SPOCK3: variants seen among roughly 807,000 people sequenced by gnomAD.
The protein encoded by SPOCK3 is testican-3.
Under a neutral mutation model 56.6 loss-of-function variants are expected in SPOCK3, and 30 were observed. The ratio of observed to expected loss-of-function variants is 0.53; its 90% CI spans 0.40 to 0.72. The LOEUF is 0.72. Ranked by LOEUF, SPOCK3 falls within the 30% of genes least tolerant of loss-of-function variation. The pLI is 0.00. For synonymous variants in SPOCK3, 196 were observed against 183.3 expected, an observed-to-expected ratio of 1.07 and a Z score of -0.56; for missense variants, 527 against 530.0, an observed-to-expected ratio of 0.99 and a Z score of 0.06.
chr4:167,058,592 T>G (rs1224748035), intron 3 of SPOCK3, among the ~76,000 whole-genome samples: 8 of 152,102 alleles, frequency 5.3e-5, no homozygotes, highest in Non-Finnish European at 1.0e-4. Flanking sequence ...AATTTATAGA[T>G]TCAATGCCAT....
chr4:166,768,927 T>G (rs1435971501), intron 7 of SPOCK3, among the ~76,000 whole-genome samples: 1 of 152,204 alleles, frequency 6.6e-6, no homozygotes, highest in East Asian at 1.9e-4. Context: ...CTCACTTCAT[T>G]TCATTCATTT....
rs80163824 is a variant in SPOCK3, at chr4:166,915,119, C to T, written c.351-2376G>A. Among the ~76,000 whole-genome samples, 770 of 152,134 alleles carry T rather than the reference C, an allele frequency of 5.1e-3. 8 individuals are homozygous for T. Among genetic ancestry groups the T allele is most frequent in the African/African-American group, 0.018 (736 of 41,500 alleles). Reference sequence around the variant, plus strand: ...AGTACTTCTACAAATTTATAGAAGTCCAACTCTATGTGATATCACCTGTCC... The same window carrying T: ...AGTACTTCTACAAATTTATAGAAGTTCAACTCTATGTGATATCACCTGTCC... On this transcript the variant is annotated intron_variant, in intron 4 of 10. Transcript: ENST00000357545.
rs866444675 is a variant in SPOCK3 at position 167,109,001 on chromosome 4, T to A, written c.190-46464A>T. Among the ~76,000 whole-genome samples the A allele has an allele frequency of 5.3e-4, 43 of 81,302 alleles. 5 individuals are homozygous for A. The highest frequency in any genetic ancestry group is 7.0e-4 in the Non-Finnish European group (32 of 45,730). The allele number at this position is 81,302 out of a possible 152,430, so 53.3% of individuals were successfully genotyped here. A position where few individuals can be genotyped will look rare whatever the true frequency, so the allele number is the denominator to read the frequency against. ...TATTATAAATATATATTTATATATA[T>A]ATAAATATATACTTATATAAAAATA... On this transcript the variant is annotated intron_variant, in intron 2 of 10. Coordinates refer to ENST00000357545, the MANE Select transcript of SPOCK3 (RefSeq NM_001040159.2).
At chr4:167,076,983 A>G (rs1359298076) in intron 2 of SPOCK3, among the ~76,000 whole-genome samples, 1 of 151,924 alleles carries the variant, frequency 6.6e-6, no homozygotes, top group Non-Finnish European at 1.5e-5. Flanking sequence ...ATATCTGGCA[A>G]TCTGAGACTT....
chr4:167,191,418 A>G (rs1732461866), intron 2 of SPOCK3, among the ~76,000 whole-genome samples: 1 of 145,634 alleles, frequency 6.9e-6, no homozygotes, highest in Non-Finnish European at 1.5e-5. Context: ...CAATCTACGA[A>G]TATATCCATG....
intron 2 of SPOCK3, among the ~76,000 whole-genome samples, chr4:167,215,040 C>T (rs1735227436): frequency 1.3e-5 from 2 of 151,446 alleles, no homozygotes; most frequent in Admixed American, 6.6e-5. Context: ...TAAAAAGTTA[C>T]AGTGTTCTTG....
chr4:166,974,541 TTC>T (rs1554012849), intron 4 of SPOCK3, among the ~76,000 whole-genome samples: 30 of 152,166 alleles, frequency 2.0e-4, no homozygotes, highest in Admixed American at 1.6e-3. Context: ...TATCTACCAT[TTC>T]TCTCTTTTTC....
intron 2 of SPOCK3, among the ~76,000 whole-genome samples, chr4:167,188,118 A>C (rs1321919573): frequency 1.4e-5 from 2 of 146,624 alleles, no homozygotes; most frequent in Non-Finnish European, 3.0e-5. Context: ...AAAGTAGTGG[A>C]GGTTCACGAC....
At chr4:166,951,156 T>C (rs1742565026) in intron 4 of SPOCK3, among the ~76,000 whole-genome samples, 1 of 143,726 alleles carries the variant, frequency 7.0e-6, no homozygotes, top group Non-Finnish European at 1.5e-5. Flanking sequence ...AGCTGGTTTT[T>C]TGAAAGGATC....
chr4:166,969,461 A>G (rs1291169814), intron 4 of SPOCK3, among the ~76,000 whole-genome samples: 1 of 137,244 alleles, frequency 7.3e-6, no homozygotes, highest in Non-Finnish European at 1.6e-5. Flanking sequence ...TTCTTGTGGT[A>G]GTGAGTTTTC....
chr4:166,806,906 T>C (rs28668043), intron 6 of SPOCK3, among the ~76,000 whole-genome samples: 22,128 of 151,946 alleles, frequency 0.15, 1,892 homozygotes, highest in African/African-American at 0.22. Flanking sequence ...CATACCTACC[T>C]ATAATAAACT....
chr4:166,878,690 T>C (rs1733374041), intron 6 of SPOCK3, among the ~76,000 whole-genome samples: 1 of 152,132 alleles, frequency 6.6e-6, no homozygotes, highest in African/African-American at 2.4e-5. Flanking sequence ...TATACTGTTA[T>C]TGAAGGAGCA....
intron 3 of SPOCK3, among the ~76,000 whole-genome samples, chr4:167,033,457 G>C (rs1450383958): frequency 6.6e-6 from 1 of 150,382 alleles, no homozygotes. Context: ...AGTTCTCAAG[G>C]CTTCATTGAT....
chr4:166,857,307 C>T (rs1432415790), intron 6 of SPOCK3, among the ~76,000 whole-genome samples: 1 of 152,186 alleles, frequency 6.6e-6, no homozygotes, highest in African/African-American at 2.4e-5. Context: ...TCAGACCCCA[C>T]CTCTGGCAGG....
chr4:166,802,522 C>T (rs1742719211), intron 6 of SPOCK3, among the ~76,000 whole-genome samples: 1 of 152,080 alleles, frequency 6.6e-6, no homozygotes, highest in African/African-American at 2.4e-5. Flanking sequence ...GTTATGTTTT[C>T]ACATGGCAGA....
At chr4:167,206,322 C>A (rs923680603) in intron 2 of SPOCK3, among the ~76,000 whole-genome samples, 8 of 151,628 alleles carry the variant, frequency 5.3e-5, no homozygotes, top group African/African-American at 1.7e-4. Context: ...GAAACTCCAT[C>A]TTGAAAAATA....
intron 5 of SPOCK3, among the ~76,000 whole-genome samples, chr4:166,908,961 T>G (rs1047667034): frequency 1.3e-5 from 2 of 152,098 alleles, no homozygotes; most frequent in African/African-American, 4.8e-5. Flanking sequence ...ACTATATTTT[T>G]ATTTTTCTGG....
At chr4:167,175,088 G>A (rs911864229) in intron 2 of SPOCK3, among the ~76,000 whole-genome samples, 39 of 152,204 alleles carry the variant, frequency 2.6e-4, no homozygotes, top group African/African-American at 8.9e-4. Context: ...AAATGATGTA[G>A]TAACCGCATA....
intron 3 of SPOCK3, among the ~76,000 whole-genome samples, chr4:167,038,080 G>A (rs1182900895): frequency 6.6e-6 from 1 of 152,062 alleles, no homozygotes; most frequent in Non-Finnish European, 1.5e-5. Flanking sequence ...CACATGCTAT[G>A]AGACCCCAGA....
Sources: gnomAD v4.1 joint callset for allele counts (sites outside exome capture counted in the v4.1 genomes callset) on GRCh38, gnomAD v4.1.1 for gene constraint, MANE v1.5 for transcripts, NCBI Gene and HGNC (gene_info 2026-07-23, HGNC 2026-07-21) for gene names.